The following DYRK1A variants were observed in gnomAD, a reference collection of about 807,000 sequenced individuals.
DYRK1A encodes the protein dual specificity tyrosine phosphorylation regulated kinase 1A, also known as dual specificity tyrosine-phosphorylation-regulated kinase 1A.
In DYRK1A, 9 loss-of-function variants were observed where a neutral mutation model predicts 79.7. The ratio of observed to expected loss-of-function variants is 0.11; its 90% CI spans 0.07 to 0.20. DYRK1A has a LOEUF of 0.20. DYRK1A is among the 10% of genes least tolerant of loss of function. DYRK1A has a pLI of 1.00. For missense variants in DYRK1A, 622 were observed against 956.0 expected (o/e 0.65, Z 4.61); for synonymous variants, 349 against 329.7 (o/e 1.06, Z -0.63).
chr21:37,505,230 T>G (rs980756819), intron 9 of DYRK1A, 53 bp from the exon 10 acceptor site: 2 of 1,365,298 alleles, frequency 1.5e-6, no homozygotes, highest in Non-Finnish European at 2.0e-6. Context: ...ATTATGTGAG[T>G]GTTTACGTAT....
At chr21:37,416,345 GTGAC>G (rs1030289289) in intron 1 of DYRK1A, among the ~76,000 whole-genome samples, 1 of 77,774 alleles carries the variant, frequency 1.3e-5, no homozygotes, top group Non-Finnish European at 2.6e-5. Context: ...TTTAAAGACT[GTGAC>G]TGTTTTCTAG....
At chr21:37,384,456 A>G (rs1283818590) in intron 1 of DYRK1A, among the ~76,000 whole-genome samples, 4 of 152,212 alleles carry the variant, frequency 2.6e-5, no homozygotes, top group African/African-American at 9.6e-5. Context: ...GGGCTAAACT[A>G]GTCCTGAAGT....
intron 2 of DYRK1A, among the ~76,000 whole-genome samples, chr21:37,433,327 A>AGG (rs1233412813): frequency 6.6e-6 from 1 of 152,112 alleles, no homozygotes; most frequent in Non-Finnish European, 1.5e-5. Flanking sequence ...CCTTTCAAGA[A>AGG]GGGGAAAGTT....
At chr21:37,506,677 T>G (rs1033733406) in intron 11 of DYRK1A, among the ~76,000 whole-genome samples, 5 of 152,222 alleles carry the variant, frequency 3.3e-5, no homozygotes, top group African/African-American at 1.2e-4. Flanking sequence ...TTGTTGTTGT[T>G]TTGTTTGTTT....
At position 37,524,685 on chromosome 21, in the gene DYRK1A, T is replaced by C. The variant is rs1373843837; in HGVS notation, c.*12154T>C. 6.6e-6 allele frequency: 1 copy of C among 152,266 alleles called. No homozygotes were observed. Among genetic ancestry groups the C allele is most frequent in the Non-Finnish European group, 1.5e-5 (1 of 68,056 alleles). The allele number at this position is 152,266 out of a possible 1,614,324, so 9.4% of individuals were successfully genotyped here. On this transcript the variant is annotated 3_prime_UTR_variant, in exon 12 of 12. Transcript: ENST00000647188. ...TCATGACAGGGGTCACCATATGTTA[T>C]GCACACTGCTCCGCTATTGCTCTTT...
chr21:37,415,853 T>G (rs1467136158), intron 1 of DYRK1A, among the ~76,000 whole-genome samples: 1 of 152,150 alleles, frequency 6.6e-6, no homozygotes, highest in Non-Finnish European at 1.5e-5. Flanking sequence ...TTGGGGAAAT[T>G]TAGTATTCTG....
At chr21:37,401,334 A>G (rs2050048893) in intron 1 of DYRK1A, among the ~76,000 whole-genome samples, 1 of 152,182 alleles carries the variant, frequency 6.6e-6, no homozygotes. Flanking sequence ...TGAGCCAATC[A>G]TGAACATAAA....
At chr21:37,421,991 TGG>T (rs2050488929) in intron 2 of DYRK1A, 1 of 152,180 alleles carries the variant, frequency 6.6e-6, no homozygotes, top group Admixed American at 6.6e-5. Flanking sequence ...TCACAAGACA[TGG>T]AGGGTTTCCA....
At chr21:37,388,442 T>G (rs1445409822) in intron 1 of DYRK1A, among the ~76,000 whole-genome samples, 1 of 152,216 alleles carries the variant, frequency 6.6e-6, no homozygotes, top group Non-Finnish European at 1.5e-5. Context: ...TTGAAAATTT[T>G]AATGTGTATC....
intron 8 of DYRK1A, among the ~76,000 whole-genome samples, chr21:37,493,807 G>A (rs913946862): frequency 3.9e-5 from 6 of 151,984 alleles, no homozygotes; most frequent in East Asian, 1.9e-4. Context: ...CAATTTGCAC[G>A]TCTTGATCAG....
chr21:37,417,529 C>CTTTTTTTTTTTTTTT (rs3216074), intron 1 of DYRK1A, among the ~76,000 whole-genome samples: 2 of 44,044 alleles, frequency 4.5e-5, no homozygotes, highest in African/African-American at 2.0e-4. Context: ...TTTTCTTTTT[C>CTTTTTTTTTTTTTTT]TTTTTTTTTT....
chr21:37,375,668 G>C (rs1357937458), intron 1 of DYRK1A, among the ~76,000 whole-genome samples: 1 of 151,684 alleles, frequency 6.6e-6, no homozygotes, highest in Non-Finnish European at 1.5e-5. Context: ...TGGAATTACA[G>C]GTGCCTGTCA....
At chr21:37,372,178 T>C (rs1358197616) in intron 1 of DYRK1A, among the ~76,000 whole-genome samples, 2 of 151,916 alleles carry the variant, frequency 1.3e-5, no homozygotes. Context: ...GCGTGGTGGC[T>C]CACACCTGTA....
intron 2 of DYRK1A, among the ~76,000 whole-genome samples, chr21:37,431,801 TAAGA>T (rs904620347): frequency 2.6e-5 from 4 of 152,290 alleles, no homozygotes; most frequent in South Asian, 4.1e-4. Flanking sequence ...TGTAGTTGCT[TAAGA>T]AAGATGACAC....
chr21:37,443,027 G>A (rs1418081213), intron 2 of DYRK1A, among the ~76,000 whole-genome samples: 2 of 152,054 alleles, frequency 1.3e-5, no homozygotes, highest in Non-Finnish European at 2.9e-5. Context: ...TAGTAGAAAC[G>A]AAGTCTCTTG....
chr21:37,379,038 T>C (rs560187557), intron 1 of DYRK1A, among the ~76,000 whole-genome samples: 20 of 152,256 alleles, frequency 1.3e-4, no homozygotes, highest in African/African-American at 4.8e-4. Context: ...CAGAGTCATA[T>C]CCCTGGAGCA....
Position 37,512,599 on chromosome 21 carries a change from A to G in DYRK1A, c.*68A>G. 6.5e-7 allele frequency: 1 copy of G among 1,548,086 alleles called. No individual in the cohort carries two copies. The highest frequency in any genetic ancestry group is 1.2e-5 in the South Asian group (1 of 81,470). ...AGTGGTGTTTTTTTTCCAAAAACAA[A>G]GTGCAAAGCTGCTTGAATCAGGAGG... is the stretch of plus-strand genomic sequence containing the variant. On this transcript the variant is annotated 3_prime_UTR_variant, in exon 12 of 12. Transcript: ENST00000647188.
intron 9 of DYRK1A, chr21:37,503,503 C>T (rs2053511405): frequency 6.6e-6 from 1 of 152,198 alleles, no homozygotes; most frequent in African/African-American, 2.4e-5. Context: ...CTGATTACAG[C>T]CTTGACTTCC....
chr21:37,486,981 T>C (rs899879848), intron 6 of DYRK1A: 1 of 156,524 alleles, frequency 6.4e-6, no homozygotes, highest in African/African-American at 2.4e-5. Context: ...TGAGCTAGTA[T>C]GTTCTTAGTG....
Sources: gnomAD v4.1 joint callset for allele counts (sites outside exome capture counted in the v4.1 genomes callset) on GRCh38, gnomAD v4.1.1 for gene constraint, MANE v1.5 for transcripts, NCBI Gene and HGNC (gene_info 2026-07-23, HGNC 2026-07-21) for gene names.